Variants in GTF2IRD1 observed in about 807,000 individuals in gnomAD.
The protein encoded by GTF2IRD1 is GTF2I repeat domain containing 1, also known as general transcription factor II-I repeat domain-containing protein 1.
Under a neutral mutation model 113.2 loss-of-function variants are expected in GTF2IRD1, and 26 were observed. The observed-to-expected ratio is 0.23, with a 90% CI of 0.17 to 0.32. The LOEUF (loss-of-function observed/expected upper bound fraction) is 0.32. Among genes scored for constraint, GTF2IRD1 ranks in the 10% least tolerant of loss-of-function variants. The pLI, the probability that GTF2IRD1 is intolerant of heterozygous loss-of-function variation, is 1.00. For missense variants in GTF2IRD1, 864 were observed against 1,280.8 expected, an observed-to-expected ratio of 0.67 and a Z score of 4.97; for synonymous variants, 484 against 529.1, an observed-to-expected ratio of 0.91 and a Z score of 1.17.
At chr7:74,508,344 T>G in intron 2 of GTF2IRD1, 141 bp downstream of exon 2, 1 of 834,348 alleles carries the variant, frequency 1.2e-6, no homozygotes, top group Admixed American at 2.5e-5. Flanking sequence ...AGGGCCACGA[T>G]GCCTGCATCA....
chr7:74,591,660 G>A (rs1157564162), intron 24 of GTF2IRD1, among the ~76,000 whole-genome samples: 3 of 152,054 alleles, frequency 2.0e-5, no homozygotes, highest in Non-Finnish European at 4.4e-5. Context: ...GATTACAGGC[G>A]TGAGCCACTG....
At chr7:74,466,855 C>T (rs577303631) in intron 1 of GTF2IRD1, among the ~76,000 whole-genome samples, 2 of 151,904 alleles carry the variant, frequency 1.3e-5, no homozygotes, top group South Asian at 2.1e-4. Context: ...CTGCCTGTTG[C>T]GGAGTGGGCA....
In GTF2IRD1 at chr7:74,559,043, A is replaced by C; in HGVS notation, c.2290A>C (p.Arg764=). 1 of 1,613,222 alleles carries C rather than the reference A, an allele frequency of 6.2e-7. No individual in the cohort carries two copies. The highest frequency in any genetic ancestry group is 2.2e-5 in the East Asian group (1 of 44,874). The part of the protein sequence containing the change: ...VADKIKFTVT[R]PFQGLIPKPD... ...TGACAAGATCAAGTTCACAGTCACC[A>C]GGTACTCAGTGGGAAGGGTGAGGGT... The change falls in exon 21 of 27, where the codon AGG becomes CGG. Residue 764 remains arginine, a splice_region_variant and synonymous_variant. Transcript: ENST00000424337.
At chr7:74,573,246 C>CA (rs1256023571) in intron 22 of GTF2IRD1, among the ~76,000 whole-genome samples, 1 of 151,212 alleles carries the variant, frequency 6.6e-6, no homozygotes, top group Admixed American at 6.6e-5. Flanking sequence ...CCCATCTTGA[C>CA]AAAAAATGAG....
chr7:74,553,097 C>G (rs1799406047), intron 17 of GTF2IRD1, among the ~76,000 whole-genome samples: 1 of 152,090 alleles, frequency 6.6e-6, no homozygotes, highest in Non-Finnish European at 1.5e-5. Context: ...CTTGACCTCC[C>G]AAAGTGCTGG....
At chr7:74,573,401 C>CAAA (rs782809767) in intron 22 of GTF2IRD1, among the ~76,000 whole-genome samples, 1 of 122,936 alleles carries the variant, frequency 8.1e-6, no homozygotes. Context: ...GACCTTCTCT[C>CAAA]AAAAAAAAAA....
chr7:74,476,376 TTC>T (rs1794408203), intron 1 of GTF2IRD1, among the ~76,000 whole-genome samples: 1 of 144,832 alleles, frequency 6.9e-6, no homozygotes, highest in Non-Finnish European at 1.5e-5. Context: ...CTTTTTTTTT[TTC>T]TTTTGAGACG....
chr7:74,540,650 C>T (rs1342880600), intron 14 of GTF2IRD1, among the ~76,000 whole-genome samples: 3 of 151,612 alleles, frequency 2.0e-5, no homozygotes, highest in South Asian at 2.1e-4. Context: ...ATGGATAGTA[C>T]GCAAATAAGT....
intron 9 of GTF2IRD1, among the ~76,000 whole-genome samples, chr7:74,534,620 A>G (rs73135381): frequency 0.25 from 37,336 of 151,826 alleles, 4,855 homozygotes; most frequent in East Asian, 0.48. Flanking sequence ...CGAGGCTGAC[A>G]ATGACTCCTG....
At chr7:74,487,099 G>A (rs911684805) in intron 1 of GTF2IRD1, among the ~76,000 whole-genome samples, 12 of 152,058 alleles carry the variant, frequency 7.9e-5, no homozygotes, top group South Asian at 2.1e-4. Context: ...GTGCAGTGGC[G>A]CGATCTTGGC....
At chr7:74,587,830 G>C (rs1801804954) in intron 22 of GTF2IRD1, among the ~76,000 whole-genome samples, 1 of 152,108 alleles carries the variant, frequency 6.6e-6, no homozygotes, top group South Asian at 2.1e-4. Flanking sequence ...AGGGAGGGGA[G>C]AGCAGAGCAC....
chr7:74,569,995 T>C (rs1484547556), intron 22 of GTF2IRD1, among the ~76,000 whole-genome samples: 1 of 151,252 alleles, frequency 6.6e-6, no homozygotes, highest in Non-Finnish European at 1.5e-5. Context: ...AGGAACAGAG[T>C]AGACGAGGTG....
intron 12 of GTF2IRD1, among the ~76,000 whole-genome samples, chr7:74,538,388 G>GC (rs1388592819): frequency 6.6e-6 from 1 of 152,200 alleles, no homozygotes; most frequent in Non-Finnish European, 1.5e-5. Context: ...CTGGGTGCTG[G>GC]CATCACCACT....
chr7:74,531,058 C>T (rs1554348746), intron 9 of GTF2IRD1, among the ~76,000 whole-genome samples: 1 of 146,268 alleles, frequency 6.8e-6, no homozygotes, highest in Non-Finnish European at 1.5e-5. Context: ...GACAGAGTGA[C>T]ACCCCATCTC....
At chr7:74,500,777 G>A (rs1795990748) in intron 1 of GTF2IRD1, among the ~76,000 whole-genome samples, 3 of 151,982 alleles carry the variant, frequency 2.0e-5, no homozygotes, top group Non-Finnish European at 2.9e-5. Flanking sequence ...AGGCTGGAGT[G>A]CAACGGCATG....
intron 1 of GTF2IRD1, among the ~76,000 whole-genome samples, chr7:74,475,444 C>G (rs1277395720): frequency 6.6e-6 from 1 of 152,176 alleles, no homozygotes; most frequent in Non-Finnish European, 1.5e-5. Context: ...GCTGAGCCTC[C>G]ACTAGACCCA....
intron 12 of GTF2IRD1, 80 bp downstream of exon 12, chr7:74,538,253 A>G: frequency 7.3e-7 from 1 of 1,377,424 alleles, no homozygotes. Flanking sequence ...CTTGGGGAGG[A>G]GCTCAACTCA....
chr7:74,510,123 G>A (rs562650094), intron 2 of GTF2IRD1, among the ~76,000 whole-genome samples: 57 of 152,134 alleles, frequency 3.7e-4, no homozygotes, highest in African/African-American at 1.3e-3. Context: ...TGGAAAAGGG[G>A]CTGGGTGCCA....
chr7:74,595,183 A>T, intron 25 of GTF2IRD1, 132 bp downstream of exon 25: 1 of 535,378 alleles, frequency 1.9e-6, no homozygotes, highest in Non-Finnish European at 3.5e-6. Flanking sequence ...AGGCAGGCAG[A>T]TCACTTGAGG....
Sources: allele counts gnomAD v4.1 joint callset (sites outside exome capture counted in the v4.1 genomes callset), GRCh38; gene constraint gnomAD v4.1.1; transcripts MANE v1.5; gene names NCBI Gene and HGNC (gene_info 2026-07-23, HGNC 2026-07-21).